LRP1B: variants seen among roughly 807,000 people sequenced by gnomAD.
The protein encoded by LRP1B is low-density lipoprotein receptor-related protein 1B.
LRP1B carries 217 observed loss-of-function variants against 556.6 expected under a neutral mutation model. The ratio of observed to expected loss-of-function variants is 0.39; its 90% CI spans 0.35 to 0.44. The LOEUF is 0.44. Among genes scored for constraint, LRP1B ranks in the 20% least tolerant of loss-of-function variants. LRP1B has a pLI of 1.00. For synonymous variants in LRP1B, 2,047 were observed against 1,865.8 expected, an observed-to-expected ratio of 1.10 and a Z score of -2.50; for missense variants, 5,053 against 5,620.8, an observed-to-expected ratio of 0.90 and a Z score of 3.23.
intron 2 of LRP1B, among the ~76,000 whole-genome samples, chr2:141,539,952 A>G (rs1011470903): frequency 5.9e-5 from 9 of 152,150 alleles, no homozygotes; most frequent in Non-Finnish European, 1.0e-4. Flanking sequence ...TTATTGAAAT[A>G]GAAAGAGCCT....
At chr2:141,201,769 A>G (rs1411886166) in intron 6 of LRP1B, among the ~76,000 whole-genome samples, 1 of 152,160 alleles carries the variant, frequency 6.6e-6, no homozygotes, top group African/African-American at 2.4e-5. Flanking sequence ...CTAATATACA[A>G]TTAGAGAAGA....
chr2:140,506,020 T>C (rs1689393994), intron 53 of LRP1B, among the ~76,000 whole-genome samples: 2 of 152,130 alleles, frequency 1.3e-5, no homozygotes, highest in African/African-American at 4.8e-5. Context: ...ATACATTTCA[T>C]GATAATAATA....
At chr2:141,221,007 T>A (rs1312143881) in intron 6 of LRP1B, among the ~76,000 whole-genome samples, 2 of 151,998 alleles carry the variant, frequency 1.3e-5, no homozygotes, top group Non-Finnish European at 2.9e-5. Flanking sequence ...CATTAACAAG[T>A]CTGCAGAATA....
chr2:141,686,786 T>C (rs1299754215), intron 2 of LRP1B, among the ~76,000 whole-genome samples: 1 of 151,904 alleles, frequency 6.6e-6, no homozygotes, highest in Non-Finnish European at 1.5e-5. Flanking sequence ...AATCCATCAG[T>C]AGATTAAAGG....
intron 37 of LRP1B, among the ~76,000 whole-genome samples, chr2:140,714,425 A>C (rs1350097446): frequency 6.6e-6 from 1 of 152,158 alleles, no homozygotes; most frequent in Non-Finnish European, 1.5e-5. Context: ...ACTTAAGAAA[A>C]AGAAGCTCTG....
intron 41 of LRP1B, among the ~76,000 whole-genome samples, chr2:140,663,578 T>C (rs1043421989): frequency 1.3e-5 from 2 of 152,216 alleles, no homozygotes; most frequent in African/African-American, 2.4e-5. Flanking sequence ...TCGGACTTCA[T>C]AGAATTAAAG....
At chr2:141,827,812 C>T (rs1696987433) in intron 1 of LRP1B, among the ~76,000 whole-genome samples, 1 of 152,010 alleles carries the variant, frequency 6.6e-6, no homozygotes, top group African/African-American at 2.4e-5. Flanking sequence ...CACAAATACA[C>T]AGTAAATATT....
At chr2:142,065,897 G>A (rs900838002) in intron 1 of LRP1B, among the ~76,000 whole-genome samples, 3 of 151,328 alleles carry the variant, frequency 2.0e-5, no homozygotes, top group African/African-American at 7.3e-5. Flanking sequence ...ATTAGTACAA[G>A]TGAGAGTCTC....
At chr2:141,562,230 C>T (rs746158702) in intron 2 of LRP1B, among the ~76,000 whole-genome samples, 4 of 151,916 alleles carry the variant, frequency 2.6e-5, no homozygotes, top group Non-Finnish European at 4.4e-5. Context: ...TTTATGAGCA[C>T]GGTGTCACAC....
chr2:141,723,725 T>C (rs988092565), intron 2 of LRP1B, among the ~76,000 whole-genome samples: 1 of 151,916 alleles, frequency 6.6e-6, no homozygotes, highest in African/African-American at 2.4e-5. Flanking sequence ...ATATAACTCT[T>C]CAATTCTTCT....
chr2:141,433,131 T>C (rs946668540), intron 3 of LRP1B, among the ~76,000 whole-genome samples: 13 of 152,166 alleles, frequency 8.5e-5, no homozygotes, highest in African/African-American at 2.9e-4. Context: ...ACTTGTGATA[T>C]CTTCCTGATG....
At chr2:140,694,963 G>A (rs1319474846) in intron 41 of LRP1B, among the ~76,000 whole-genome samples, 2 of 150,958 alleles carry the variant, frequency 1.3e-5, no homozygotes, top group Non-Finnish European at 3.0e-5. Flanking sequence ...TGGCCTCCTG[G>A]ATGTCCCTAT....
chr2:140,485,287 C>A, intron 59 of LRP1B, 56 bp downstream of exon 59: 1 of 1,329,708 alleles, frequency 7.5e-7, no homozygotes. Context: ...ACTAGATTTA[C>A]TACTATGAAT....
chr2:141,598,794 C>T (rs954084935), intron 2 of LRP1B, among the ~76,000 whole-genome samples: 3 of 151,960 alleles, frequency 2.0e-5, no homozygotes, highest in Admixed American at 6.6e-5. Flanking sequence ...CTGTGCCATA[C>T]AGGAGTGTAC....
chr2:140,674,304 C>G (rs1403762695), intron 41 of LRP1B, among the ~76,000 whole-genome samples: 3 of 152,108 alleles, frequency 2.0e-5, no homozygotes, highest in Non-Finnish European at 4.4e-5. Flanking sequence ...ACATAACCAG[C>G]TCTTTCTCCA....
chr2:140,369,346 G>A (rs571735922), intron 71 of LRP1B, among the ~76,000 whole-genome samples: 5 of 151,986 alleles, frequency 3.3e-5, no homozygotes, highest in Admixed American at 2.0e-4. Context: ...TGAACTAGGC[G>A]GGTGGTAGTG....
chr2:140,831,366 C>T (rs1218496647), intron 31 of LRP1B, among the ~76,000 whole-genome samples: 1 of 152,064 alleles, frequency 6.6e-6, no homozygotes, highest in Non-Finnish European at 1.5e-5. Context: ...AGAAATAAAT[C>T]CATACACTTA....
chr2:140,901,824 T>C (rs1237664180), intron 23 of LRP1B, among the ~76,000 whole-genome samples: 1 of 152,168 alleles, frequency 6.6e-6, no homozygotes, highest in African/African-American at 2.4e-5. Flanking sequence ...GATAGCATAT[T>C]TTAATTCCTA....
chr2:140,258,051 C>A (rs1015701240), intron 86 of LRP1B, among the ~76,000 whole-genome samples: 1 of 152,090 alleles, frequency 6.6e-6, no homozygotes, highest in Non-Finnish European at 1.5e-5. Context: ...TAATTCCTAC[C>A]TTTCTAAACC....
Sources: allele counts gnomAD v4.1 joint callset (sites outside exome capture counted in the v4.1 genomes callset), GRCh38; gene constraint gnomAD v4.1.1; transcripts MANE v1.5; gene names NCBI Gene and HGNC (gene_info 2026-07-23, HGNC 2026-07-21).